The following NLGN1 variants were observed in gnomAD, a reference collection of about 807,000 sequenced individuals.
NLGN1 encodes neuroligin 1.
NLGN1 carries 12 observed loss-of-function variants against 65.5 expected under a neutral mutation model. The observed-to-expected ratio is 0.18, with a 90% confidence interval of 0.12 to 0.30. The LOEUF (loss-of-function observed/expected upper bound fraction) is 0.30, where lower values mean the gene tolerates loss of function less well. Among genes scored for constraint, NLGN1 ranks in the 10% least tolerant of loss-of-function variants. The pLI is 1.00. For synonymous variants in NLGN1, 350 were observed against 359.5 expected (o/e 0.97, Z 0.30); for missense variants, 750 against 1,007.1 (o/e 0.74, Z 3.46).
In NLGN1 at chr3:173,964,833, C is replaced by T. The variant is rs975462173; in HGVS notation, c.646+157001C>T. ...TACCAATATTCTTGAAAAACAAGCA[C>T]GGAAAATAAACATTTTCAGGTACGA... On this transcript the variant is annotated intron_variant, in intron 4 of 6. Coordinates refer to ENST00000457714, the Ensembl canonical transcript of NLGN1. Among the ~76,000 whole-genome samples the T allele has an allele frequency of 3.3e-5, 5 of 151,940 alleles. No homozygotes were observed. The South Asian group carries it at 8.3e-4, about 25-fold the overall frequency.
intron 3 of NLGN1, among the ~76,000 whole-genome samples, chr3:173,761,816 T>C (rs1325669927): frequency 6.6e-6 from 1 of 152,052 alleles, no homozygotes; most frequent in Non-Finnish European, 1.5e-5. Context: ...TTGAGACAGA[T>C]AATGCAGACT....
At chr3:173,883,475 G>T (rs1426818383) in intron 4 of NLGN1, among the ~76,000 whole-genome samples, 1 of 152,106 alleles carries the variant, frequency 6.6e-6, no homozygotes, top group African/African-American at 2.4e-5. Context: ...TTACCAATAT[G>T]TGACACAGAG....
intron 5 of NLGN1, among the ~76,000 whole-genome samples, chr3:174,276,292 A>AACTC (rs746641605): frequency 6.6e-6 from 1 of 151,824 alleles, no homozygotes; most frequent in Non-Finnish European, 1.5e-5. Context: ...GTTCTTTATG[A>AACTC]ACTCCATCTC....
chr3:174,205,202 CTT>C, intron 4 of NLGN1, among the ~76,000 whole-genome samples: 1 of 152,042 alleles, frequency 6.6e-6, no homozygotes, highest in Non-Finnish European at 1.5e-5. Context: ...GAAATTTCCT[CTT>C]AAGAAAATTT....
intron 3 of NLGN1, among the ~76,000 whole-genome samples, chr3:173,646,926 A>G (rs1277584908): frequency 6.6e-6 from 1 of 152,174 alleles, no homozygotes; most frequent in African/African-American, 2.4e-5. Context: ...CAAAATTAAA[A>G]CATTTTTGCT....
intron 4 of NLGN1, among the ~76,000 whole-genome samples, chr3:173,857,862 A>G (rs185152929): frequency 6.7e-4 from 94 of 140,636 alleles, no homozygotes; most frequent in Admixed American, 2.9e-3. Flanking sequence ...ATACAAAACC[A>G]TTTCTCTTCG....
At chr3:174,276,578 A>G (rs1375655961) in intron 5 of NLGN1, among the ~76,000 whole-genome samples, 3 of 151,922 alleles carry the variant, frequency 2.0e-5, no homozygotes, top group Admixed American at 6.6e-5. Flanking sequence ...TGATAGGAGC[A>G]CCAAACATAT....
intron 4 of NLGN1, among the ~76,000 whole-genome samples, chr3:173,911,872 T>G (rs752275677): frequency 2.8e-4 from 42 of 152,218 alleles, no homozygotes; most frequent in Non-Finnish European, 4.9e-4. Context: ...GACCCCTTAT[T>G]TATTCACAGA....
At chr3:173,598,395 G>A (rs1020832868) in intron 2 of NLGN1, among the ~76,000 whole-genome samples, 6 of 151,904 alleles carry the variant, frequency 3.9e-5, no homozygotes, top group African/African-American at 1.5e-4. Flanking sequence ...ATAAAAAATG[G>A]CAAATAGAAG....
At chr3:173,663,616 A>C (rs59028365) in intron 3 of NLGN1, among the ~76,000 whole-genome samples, 1 of 152,012 alleles carries the variant, frequency 6.6e-6, no homozygotes, top group Non-Finnish European at 1.5e-5. Flanking sequence ...TAAAGATATT[A>C]AAACCACCCA....
At chr3:174,032,269 G>A (rs986133190) in intron 4 of NLGN1, among the ~76,000 whole-genome samples, 1 of 152,174 alleles carries the variant, frequency 6.6e-6, no homozygotes, top group African/African-American at 2.4e-5. Flanking sequence ...AGTTTAATGT[G>A]AAGGGAAATC....
chr3:173,913,747 T>G (rs1295163871), intron 4 of NLGN1, among the ~76,000 whole-genome samples: 6 of 152,198 alleles, frequency 3.9e-5, no homozygotes, highest in Admixed American at 3.9e-4. Context: ...TATTACACTC[T>G]TCTTACCTCA....
intron 4 of NLGN1, among the ~76,000 whole-genome samples, chr3:174,054,270 A>G (rs1005279748): frequency 6.6e-5 from 10 of 152,058 alleles, no homozygotes; most frequent in Admixed American, 4.6e-4. Flanking sequence ...TGTAGTCCCA[A>G]TTGCTACATG....
At chr3:173,844,433 C>T (rs1725364745) in intron 4 of NLGN1, among the ~76,000 whole-genome samples, 1 of 152,018 alleles carries the variant, frequency 6.6e-6, no homozygotes, top group Non-Finnish European at 1.5e-5. Context: ...TAGGATTGAT[C>T]TTGCATATTT....
chr3:173,679,815 C>T (rs917085700), intron 3 of NLGN1, among the ~76,000 whole-genome samples: 2 of 152,032 alleles, frequency 1.3e-5, no homozygotes, highest in Non-Finnish European at 2.9e-5. Flanking sequence ...CATGATAAAC[C>T]TACTGTATGT....
intron 3 of NLGN1, among the ~76,000 whole-genome samples, chr3:173,778,098 A>G (rs1284094427): frequency 6.6e-6 from 1 of 151,864 alleles, no homozygotes; most frequent in African/African-American, 2.4e-5. Flanking sequence ...ATTCCTGACA[A>G]ATTGACTGAG....
At chr3:173,603,963 T>C (rs933566526) in intron 2 of NLGN1, among the ~76,000 whole-genome samples, 1 of 152,154 alleles carries the variant, frequency 6.6e-6, no homozygotes, top group African/African-American at 2.4e-5. Context: ...TTGAAGACTA[T>C]TAATAAAGTA....
intron 3 of NLGN1, among the ~76,000 whole-genome samples, chr3:173,648,883 A>G (rs948050423): frequency 6.6e-6 from 1 of 152,098 alleles, no homozygotes; most frequent in African/African-American, 2.4e-5. Context: ...CCCTACTATA[A>G]GATCCAACCA....
At chr3:174,124,123 A>C (rs1014595556) in intron 4 of NLGN1, among the ~76,000 whole-genome samples, 1 of 152,098 alleles carries the variant, frequency 6.6e-6, no homozygotes, top group African/African-American at 2.4e-5. Context: ...ACAAGCCAGA[A>C]AGAGAGACCT....
Sources: allele counts gnomAD v4.1 joint callset (sites outside exome capture counted in the v4.1 genomes callset), GRCh38; gene constraint gnomAD v4.1.1; transcripts MANE v1.5; gene names NCBI Gene and HGNC (gene_info 2026-07-23, HGNC 2026-07-21).